The following L3MBTL4 variants were observed in gnomAD, a reference collection of about 807,000 sequenced individuals.
L3MBTL4 encodes the protein lethal(3)malignant brain tumor-like protein 4.
A neutral mutation model predicts 84.5 loss-of-function variants in L3MBTL4; 70 were observed. The ratio of observed to expected loss-of-function variants is 0.83; its 90% CI spans 0.68 to 1.01. L3MBTL4 has a LOEUF of 1.01. Among genes scored for constraint, L3MBTL4 ranks in the 50% least tolerant of loss-of-function variants. The pLI is 0.00. For synonymous variants in L3MBTL4, 274 were observed against 259.8 expected, an observed-to-expected ratio of 1.05 and a Z score of -0.52; for missense variants, 715 against 754.8, an observed-to-expected ratio of 0.95 and a Z score of 0.62.
At chr18:6,360,240 T>C (rs2053625091) in intron 1 of L3MBTL4, among the ~76,000 whole-genome samples, 1 of 151,886 alleles carries the variant, frequency 6.6e-6, no homozygotes, top group Non-Finnish European at 1.5e-5. Flanking sequence ...GGTGTGGAGG[T>C]GTGCACTGTA....
At chr18:6,351,618 C>G (rs1478281286) in intron 1 of L3MBTL4, among the ~76,000 whole-genome samples, 1 of 151,646 alleles carries the variant, frequency 6.6e-6, no homozygotes, top group Admixed American at 6.6e-5. Context: ...GTGGCGTGAT[C>G]TCGGCTCACT....
chr18:6,070,317 A>G (rs8091109), intron 16 of L3MBTL4, among the ~76,000 whole-genome samples: 39,691 of 152,082 alleles, frequency 0.26, 5,779 homozygotes, highest in East Asian at 0.59. Flanking sequence ...ACTCCAAGAC[A>G]TACTCCTTTC....
chr18:6,391,522 T>A (rs1009019557), intron 1 of L3MBTL4, among the ~76,000 whole-genome samples: 1 of 152,002 alleles, frequency 6.6e-6, no homozygotes, highest in Non-Finnish European at 1.5e-5. Flanking sequence ...GGATCCAGAT[T>A]GGAAAAGAGG....
At chr18:6,048,299 C>T (rs2056707424) in intron 16 of L3MBTL4, among the ~76,000 whole-genome samples, 1 of 152,112 alleles carries the variant, frequency 6.6e-6, no homozygotes. Context: ...ATTAAAATGG[C>T]CATACTGCCC....
chr18:6,371,050 T>C (rs2054140101), intron 1 of L3MBTL4, among the ~76,000 whole-genome samples: 1 of 152,180 alleles, frequency 6.6e-6, no homozygotes, highest in Non-Finnish European at 1.5e-5. Flanking sequence ...AGCACAGTTT[T>C]GTTTTGTTTT....
intron 4 of L3MBTL4, among the ~76,000 whole-genome samples, chr18:6,277,759 A>C (rs1291564911): frequency 6.6e-6 from 1 of 152,090 alleles, no homozygotes; most frequent in Non-Finnish European, 1.5e-5. Flanking sequence ...TTATGAATGG[A>C]ATATTTTTCC....
Position 6,280,171 on chromosome 18 carries a change from T to C in L3MBTL4, c.128-16133A>G, listed in dbSNP as rs543264520. ...GAATTTCAGTTCACTAGCAGATCAC[T>C]TGAGGTAAAAGGAGGGTATTTTTAT... On this transcript the variant is annotated intron_variant, in intron 4 of 18. Transcript: ENST00000317931. Among the ~76,000 whole-genome samples the C allele has an allele frequency of 2.0e-5, 3 of 152,310 alleles. No individual in the cohort carries two copies. In the East Asian group the frequency reaches 5.8e-4, roughly 29 times the overall value.
intron 16 of L3MBTL4, among the ~76,000 whole-genome samples, chr18:6,073,359 CAAG>C (rs975946783): frequency 8.6e-5 from 13 of 151,876 alleles, no homozygotes; most frequent in Non-Finnish European, 1.5e-4. Context: ...AAAACTAATA[CAAG>C]AAGAAATTTT....
At chr18:5,975,471 C>T (rs1035755027) in intron 16 of L3MBTL4, among the ~76,000 whole-genome samples, 1 of 152,214 alleles carries the variant, frequency 6.6e-6, no homozygotes, top group African/African-American at 2.4e-5. Context: ...TTACTCCACC[C>T]AGGACCTGTG....
At chr18:6,189,501 G>A (rs1568284707) in intron 12 of L3MBTL4, among the ~76,000 whole-genome samples, 1 of 151,804 alleles carries the variant, frequency 6.6e-6, no homozygotes, top group Non-Finnish European at 1.5e-5. Context: ...ACAACATCCA[G>A]CATACATGAA....
chr18:6,069,047 A>T (rs1192331776), intron 16 of L3MBTL4, among the ~76,000 whole-genome samples: 1 of 152,232 alleles, frequency 6.6e-6, no homozygotes, highest in East Asian at 1.9e-4. Flanking sequence ...CAAGGGATCC[A>T]GAAATGTGAA....
chr18:6,298,417 T>G (rs1031828970), intron 4 of L3MBTL4, among the ~76,000 whole-genome samples: 1 of 152,236 alleles, frequency 6.6e-6, no homozygotes. Flanking sequence ...TATCTATTAT[T>G]GACCTTTCAT....
intron 16 of L3MBTL4, among the ~76,000 whole-genome samples, chr18:6,057,053 T>C (rs1402206694): frequency 6.6e-6 from 1 of 151,956 alleles, no homozygotes; most frequent in Non-Finnish European, 1.5e-5. Flanking sequence ...TTTTTTAAGA[T>C]GGAATCTCGC....
At chr18:6,136,234 C>G (rs2060024547) in intron 14 of L3MBTL4, among the ~76,000 whole-genome samples, 1 of 152,124 alleles carries the variant, frequency 6.6e-6, no homozygotes, top group Non-Finnish European at 1.5e-5. Context: ...GAGGATACAG[C>G]CAAACCATAT....
intron 16 of L3MBTL4, among the ~76,000 whole-genome samples, chr18:6,069,004 A>AC (rs2057492562): frequency 2.0e-5 from 3 of 152,190 alleles, no homozygotes; most frequent in Non-Finnish European, 4.4e-5. Flanking sequence ...CAGTGGGACT[A>AC]CCACACTTTG....
At chr18:6,267,251 A>C (rs77765351) in intron 4 of L3MBTL4, among the ~76,000 whole-genome samples, 1,901 of 152,348 alleles carry the variant, frequency 0.012, 36 homozygotes, top group African/African-American at 0.042. Context: ...TTATTGCTAG[A>C]TACACTTACT....
chr18:6,097,684 C>T (rs1336277766), intron 14 of L3MBTL4, among the ~76,000 whole-genome samples: 1 of 152,180 alleles, frequency 6.6e-6, no homozygotes, highest in African/African-American at 2.4e-5. Flanking sequence ...GATGTCTGTG[C>T]AAATGCCATG....
intron 4 of L3MBTL4, 91 bp from the exon 5 acceptor site, chr18:6,264,129 A>C (rs1032238515): frequency 3.4e-6 from 3 of 895,196 alleles, no homozygotes; most frequent in Non-Finnish European, 5.4e-6. Context: ...GAAGCAGGCT[A>C]ATTAGTTAAA....
intron 5 of L3MBTL4, among the ~76,000 whole-genome samples, 190 bp downstream of exon 5, chr18:6,263,757 C>A (rs934153615): frequency 2.0e-5 from 3 of 152,172 alleles, no homozygotes; most frequent in African/African-American, 4.8e-5. Flanking sequence ...ACAGAGCTGG[C>A]AGGTGGCGGC....
Sources: allele counts gnomAD v4.1 joint callset (sites outside exome capture counted in the v4.1 genomes callset), GRCh38; gene constraint gnomAD v4.1.1; transcripts MANE v1.5; gene names NCBI Gene and HGNC (gene_info 2026-07-23, HGNC 2026-07-21).